SHF: variants seen among roughly 807,000 people sequenced by gnomAD.
SHF encodes Src homology 2 domain containing F.
In SHF, 30 loss-of-function variants were observed where a neutral mutation model predicts 42.4. The observed-to-expected ratio is 0.71, with a 90% CI of 0.53 to 0.96. The LOEUF (loss-of-function observed/expected upper bound fraction) is 0.96. SHF is among the 40% of genes least tolerant of loss of function. The pLI is 0.00. For synonymous variants in SHF, 264 were observed against 269.9 expected (o/e 0.98, Z 0.21); for missense variants, 598 against 634.0 (o/e 0.94, Z 0.61).
upstream of SHF, among the ~76,000 whole-genome samples, chr15:45,190,552 T>C (rs972989963): frequency 3.3e-5 from 5 of 152,094 alleles, no homozygotes; most frequent in African/African-American, 1.2e-4. Context: ...ATGCTTACAG[T>C]GGAAGGTGTG....
At chr15:45,183,157 G>A (rs534660591) in intron 1 of SHF, among the ~76,000 whole-genome samples, 8 of 152,238 alleles carry the variant, frequency 5.3e-5, no homozygotes, top group African/African-American at 1.9e-4. Context: ...TCTCTGCCAG[G>A]CACCTGCTGG....
rs1595639879 is a variant in SHF at position 45,187,852 on chromosome 15, C to T, written c.100G>A (p.Gly34Ser). The T allele has an allele frequency of 4.7e-6, 5 of 1,069,178 alleles. No homozygotes were observed. The East Asian group carries it at 1.9e-4, about 40-fold the overall frequency. 66.2% of individuals were successfully genotyped at this position (1,069,178 alleles called of 1,614,324 possible). The change falls in exon 1 of 7, where the codon GGT becomes AGT. Residue 34 changes from glycine to serine, a missense_variant. Gly to Ser is a moderately conservative substitution (Grantham distance 56, BLOSUM62 0). This residue lies in a region of SHF where 159 missense variants were observed against 109.3 expected (regional missense o/e 1.45). Coordinates refer to ENST00000690270, the MANE Select transcript of SHF (RefSeq NM_001394037.1). ...GPGGSRRGAG[G>S]AGAGPGGGGS... is the part of the protein sequence containing the mutation. ...CCCCCTCCTGGGCCGGCTCCCGCAC[C>T]CCCGGCGCCCCGGCGGGACCCCCCC...
At chr15:45,180,847 T>C (rs1403101781) in intron 1 of SHF, among the ~76,000 whole-genome samples, 1 of 152,210 alleles carries the variant, frequency 6.6e-6, no homozygotes, top group Non-Finnish European at 1.5e-5. Flanking sequence ...CCTGACAGTG[T>C]TAACTCCATT....
upstream of SHF, among the ~76,000 whole-genome samples, chr15:45,192,445 G>A (rs1898735588): frequency 7.2e-6 from 1 of 139,644 alleles, no homozygotes; most frequent in Non-Finnish European, 1.5e-5. Context: ...TGGGCTCACT[G>A]CAAGCTCTGC....
chr15:45,175,327 C>T lies in SHF; in HGVS notation c.739G>A (p.Ala247Thr). 1 of 1,605,016 alleles carries T rather than the reference C, an allele frequency of 6.2e-7. No individual in the cohort carries two copies. Among genetic ancestry groups the T allele is most frequent in the Non-Finnish European group, 8.5e-7 (1 of 1,175,652 alleles). Residue 247 changes from alanine to threonine, a missense_variant, in exon 3 of 7, where the codon GCC (alanine) becomes ACC (threonine). By Grantham distance (58) the Ala-to-Thr change is moderately conservative. Around this residue, in one of 2 missense-constraint regions of SHF, gnomAD observed 439 missense variants for 524.6 expected, o/e 0.84. Coordinates refer to ENST00000690270, the MANE Select transcript of SHF (RefSeq NM_001394037.1). ...EDGATAEGEG[A>T]PWPRESRLPE... Reference sequence around the variant, plus strand: ...AGGCGGGACTCCCGGGGCCAGGGGGCCCCCTCACCTTCCGCGGTGGCCCCA... The same window carrying T: ...AGGCGGGACTCCCGGGGCCAGGGGGTCCCCTCACCTTCCGCGGTGGCCCCA...
intron 1 of SHF, among the ~76,000 whole-genome samples, chr15:45,181,975 T>A (rs1246483350): frequency 6.6e-6 from 1 of 152,186 alleles, no homozygotes; most frequent in Non-Finnish European, 1.5e-5. Context: ...GAGGATCCCA[T>A]CCCTCTCCTT....
Position 45,175,358 on chromosome 15 carries a change from C to G in SHF, c.708G>C (p.Glu236Asp). ...LPLYDTPYEP[E>D]EDGATAEGEG... ...CACCTTCCGCGGTGGCCCCATCCTC[C>G]TCTGGCTCATAGGGTGTGTCATACA... is the stretch of plus-strand genomic sequence containing the variant. Residue 236 changes from glutamate to aspartate, a missense_variant, in exon 3 of 7, where the codon GAG becomes GAC. By Grantham distance (45) the Glu-to-Asp change is conservative. This residue lies in a region of SHF where 439 missense variants were observed against 524.6 expected (regional missense o/e 0.84). Transcript: ENST00000690270. The G allele has an allele frequency of 1.3e-6, 2 of 1,598,754 alleles. No individual in the cohort carries two copies. The highest frequency in any genetic ancestry group is 2.3e-5 in the South Asian group (2 of 88,308).
At chr15:45,195,872 T>C (rs41346544) in intron 2 of SHF, among the ~76,000 whole-genome samples, 7,029 of 152,236 alleles carry the variant, frequency 0.046, 571 homozygotes, top group African/African-American at 0.16. Context: ...TTGTCTTGGG[T>C]CCATCTCTGT....
Position 45,173,457 on chromosome 15 carries a change from A to C in SHF, c.988+119T>G, listed in dbSNP as rs569567699. ...GCATTTTGTCTCTTCCTTCTTCCCA[A>C]ATGAGATTCTTCCTGGGGTCTCCAA... On this transcript the variant is annotated intron_variant, in intron 4 of 6. Transcript: ENST00000690270. 5 of 1,381,378 alleles carry C rather than the reference A, an allele frequency of 3.6e-6. No homozygotes were observed. In the East Asian group the frequency reaches 1.3e-4, roughly 37 times the overall value. 85.6% of individuals were successfully genotyped at this position (1,381,378 alleles called of 1,614,324 possible).
intron 1 of SHF, among the ~76,000 whole-genome samples, chr15:45,181,948 A>G (rs912202682): frequency 6.6e-6 from 1 of 152,350 alleles, no homozygotes; most frequent in East Asian, 1.9e-4. Context: ...CCAAACTAGT[A>G]AAGTAGCTAC....
At chr15:45,190,298 G>A (rs1459823600), upstream of SHF, among the ~76,000 whole-genome samples, 1 of 152,224 alleles carries the variant, frequency 6.6e-6, no homozygotes, top group Non-Finnish European at 1.5e-5. Flanking sequence ...GCTGGACATA[G>A]AGATGATAAA....
At chr15:45,184,703 G>T (rs1470419411) in intron 1 of SHF, among the ~76,000 whole-genome samples, 1 of 152,258 alleles carries the variant, frequency 6.6e-6, no homozygotes, top group Non-Finnish European at 1.5e-5. Flanking sequence ...CCTGCTAAAG[G>T]TCTGAGAAAA....
intron 1 of SHF, among the ~76,000 whole-genome samples, chr15:45,183,054 G>A (rs959739718): frequency 3.9e-4 from 60 of 152,190 alleles, no homozygotes; most frequent in Non-Finnish European, 1.6e-4. Context: ...CAGCATTCAG[G>A]AAGTAGTAAA....
Position 45,172,297 on chromosome 15 carries a change from T to C in SHF, c.1010A>G (p.Lys337Arg), listed in dbSNP as rs1345354747. Residue 337 changes from lysine (K) to arginine (R), a missense_variant, in exon 5 of 7, where the codon AAG becomes AGG. Physicochemically the swap from Lys to Arg is conservative, Grantham distance 26. Transcript: ENST00000690270. Reference sequence around the variant, plus strand: ...CTCCCGGCCAGGTGACAGGCAGCTCTTCTCCGGTCCTTCAAACTGGGCTGT... The same window carrying C: ...CTCCCGGCCAGGTGACAGGCAGCTCCTCTCCGGTCCTTCAAACTGGGCTGT... ...DSSAQFEGPEKSCLSPGREEK... is the reference protein window; with the variant it reads ...DSSAQFEGPERSCLSPGREEK... The C allele has an allele frequency of 1.9e-6, 3 of 1,607,838 alleles. No individual in the cohort carries two copies. Among genetic ancestry groups the C allele is most frequent in the South Asian group, 1.1e-5 (1 of 90,132 alleles).
chr15:45,173,756 G>A lies in SHF; in HGVS notation c.848-40C>T, dbSNP rs1262866646. ...AGAAGTGAGAAGAGAGACAGACAGT[G>A]ACAGAGACAGAAAGAGGTAGAGGTT... On this transcript the variant is annotated intron_variant, in intron 3 of 6. Coordinates refer to ENST00000690270, the MANE Select transcript of SHF (RefSeq NM_001394037.1). 2.6e-6 allele frequency: 4 copies of A among 1,547,532 alleles called. No homozygotes were observed. In the East Asian group the frequency reaches 9.8e-5, roughly 38 times the overall value.
intron 4 of SHF, among the ~76,000 whole-genome samples, chr15:45,173,031 C>T (rs1897594417): frequency 6.6e-6 from 1 of 152,242 alleles, no homozygotes; most frequent in South Asian, 2.1e-4. Flanking sequence ...TTTTAAAATA[C>T]AACATTCAGG....
chr15:45,169,311 T>C (rs1897357172), intron 6 of SHF, among the ~76,000 whole-genome samples: 1 of 151,968 alleles, frequency 6.6e-6, no homozygotes, highest in Admixed American at 6.6e-5. Context: ...AGGTGACAGA[T>C]GGGAGGAAAA....
upstream of SHF, among the ~76,000 whole-genome samples, chr15:45,190,227 G>C (rs1898675992): frequency 6.6e-6 from 1 of 152,188 alleles, no homozygotes; most frequent in African/African-American, 2.4e-5. Flanking sequence ...AAGTATAATA[G>C]AGAAAATAAC....
At position 45,187,963 on chromosome 15, in the gene SHF, G is replaced by GCCAC. The variant is rs1321898203; in HGVS notation, c.-13_-12insGTGG. 8.7e-7 allele frequency: 1 copy of GCCAC among 1,146,960 alleles called. No individual in the cohort carries two copies. Among genetic ancestry groups the GCCAC allele is most frequent in the African/African-American group, 1.6e-5 (1 of 61,058 alleles). The allele number at this position is 1,146,960 out of a possible 1,614,324, so 71.0% of individuals were successfully genotyped here. A position where few individuals can be genotyped will look rare whatever the true frequency, so the allele number is the denominator to read the frequency against. On this transcript the variant is annotated 5_prime_UTR_variant, in exon 1 of 7. Coordinates refer to ENST00000690270, the MANE Select transcript of SHF (RefSeq NM_001394037.1). ...CCGCTCAGTAACATGGGGCCAGCCA[G>GCCAC]ACTGAGCGAGGGGAGCGCAGCGGCG...
Sources: gnomAD v4.1 joint callset for allele counts (sites outside exome capture counted in the v4.1 genomes callset) on GRCh38, gnomAD v4.1.1 for gene constraint, gnomAD v4.1.1 regional missense constraint, MANE v1.5 for transcripts, NCBI Gene and HGNC (gene_info 2026-07-23, HGNC 2026-07-21) for gene names.